Variants in DYM observed in about 807,000 individuals in gnomAD.
DYM encodes dyggve-Melchior-Clausen syndrome protein.
DYM carries 78 observed loss-of-function variants against 93.1 expected under a neutral mutation model. The observed-to-expected ratio is 0.84, with a 90% CI of 0.70 to 1.01. The LOEUF is 1.01. Ranked by LOEUF, DYM falls within the 50% of genes least tolerant of loss-of-function variation. The pLI is 0.00. For missense variants in DYM, 789 were observed against 845.0 expected (o/e 0.93, Z 0.82); for synonymous variants, 321 against 319.7 (o/e 1.00, Z -0.04).
At chr18:49,430,612 C>G (rs970781555) in intron 1 of DYM, among the ~76,000 whole-genome samples, 165 bp from the exon 2 acceptor site, 8 of 152,118 alleles carry the variant, frequency 5.3e-5, no homozygotes, top group African/African-American at 1.7e-4. Flanking sequence ...CTAGGCCAGG[C>G]ATGGTGACTC....
At chr18:49,254,107 T>C (rs1598919948) in intron 13 of DYM, among the ~76,000 whole-genome samples, 1 of 152,082 alleles carries the variant, frequency 6.6e-6, no homozygotes, top group Non-Finnish European at 1.5e-5. Context: ...GTTTCTCTTA[T>C]CTATCATGTC....
At chr18:49,227,467 T>G (rs1054870388) in intron 13 of DYM, among the ~76,000 whole-genome samples, 1 of 152,162 alleles carries the variant, frequency 6.6e-6, no homozygotes, top group African/African-American at 2.4e-5. Flanking sequence ...AGTTTTCATA[T>G]ATATACACAG....
At chr18:49,220,217 A>T (rs1306264742) in intron 13 of DYM, among the ~76,000 whole-genome samples, 1 of 151,852 alleles carries the variant, frequency 6.6e-6, no homozygotes, top group Admixed American at 6.6e-5. Context: ...GGACCTCTTC[A>T]AGGAGAACTA....
chr18:49,203,265 T>C (rs1472054426), intron 14 of DYM, among the ~76,000 whole-genome samples: 3 of 51,246 alleles, frequency 5.9e-5, no homozygotes, highest in African/African-American at 1.6e-4. Flanking sequence ...AGCCGCCCCG[T>C]CCAGGAGGTG....
At chr18:49,278,856 A>G (rs2094907452) in intron 10 of DYM, among the ~76,000 whole-genome samples, 1 of 152,180 alleles carries the variant, frequency 6.6e-6, no homozygotes, top group South Asian at 2.1e-4. Flanking sequence ...TTGTACAGAT[A>G]TATTTCTTTT....
Position 49,281,933 on chromosome 18 carries a change from C to T in DYM, c.1125+64G>A, listed in dbSNP as rs577466600. The T allele has an allele frequency of 6.5e-6, 10 of 1,528,216 alleles. No individual in the cohort carries two copies. The East Asian group carries it at 2.3e-4, about 35-fold the overall frequency. The allele number at this position is 1,528,216 out of a possible 1,614,324, so 94.7% of individuals were successfully genotyped here. ...CTAACCTGCACGCTGTGCCATGTAC[C>T]CTAAAACTTAAAGTATAATTAAAAA... On this transcript the variant is annotated intron_variant, in intron 10 of 17. Transcript: ENST00000675505.
intron 3 of DYM, among the ~76,000 whole-genome samples, chr18:49,389,006 C>T (rs1219918242): frequency 2.0e-5 from 3 of 151,438 alleles, no homozygotes; most frequent in Non-Finnish European, 4.4e-5. Flanking sequence ...ACTAAGTACA[C>T]TCACATAGCC....
chr18:49,119,731 G>A (rs1019879889), intron 15 of DYM, among the ~76,000 whole-genome samples: 7 of 152,186 alleles, frequency 4.6e-5, no homozygotes, highest in South Asian at 2.1e-4. Flanking sequence ...ACTAGACTGC[G>A]ATAAGCTATG....
At chr18:49,098,208 A>G (rs754861385) in intron 16 of DYM, among the ~76,000 whole-genome samples, 6 of 152,380 alleles carry the variant, frequency 3.9e-5, no homozygotes, top group Non-Finnish European at 8.8e-5. Flanking sequence ...AGAAGACTGC[A>G]GATCCCTTTT....
At chr18:49,313,536 A>G (rs2061741029) in intron 8 of DYM, among the ~76,000 whole-genome samples, 1 of 150,546 alleles carries the variant, frequency 6.6e-6, no homozygotes, top group Admixed American at 6.6e-5. Flanking sequence ...CTGTCAAGAC[A>G]TCACCCTATA....
chr18:49,444,605 C>T (rs1443366367), intron 1 of DYM, among the ~76,000 whole-genome samples: 1 of 152,086 alleles, frequency 6.6e-6, no homozygotes, highest in African/African-American at 2.4e-5. Context: ...ACATATTTTC[C>T]AAAATCAAAT....
chr18:49,099,380 T>C (rs189159366), intron 16 of DYM, among the ~76,000 whole-genome samples: 83 of 152,304 alleles, frequency 5.4e-4, no homozygotes, highest in African/African-American at 2.0e-3. Context: ...CCTTCTATTA[T>C]ACATCAGGCT....
chr18:49,268,593 T>C (rs2094611889), intron 11 of DYM, among the ~76,000 whole-genome samples: 1 of 152,212 alleles, frequency 6.6e-6, no homozygotes, highest in African/African-American at 2.4e-5. Flanking sequence ...TAACATTTTG[T>C]CATGTTTGCT....
At chr18:49,259,342 CTCTCT>C (rs1370561776) in intron 11 of DYM, among the ~76,000 whole-genome samples, 2 of 152,228 alleles carry the variant, frequency 1.3e-5, no homozygotes, top group African/African-American at 2.4e-5. Flanking sequence ...CAAATCAAGA[CTCTCT>C]TCTAATTACC....
At chr18:49,292,373 C>CACACACACACACACAT (rs2060195147) in intron 8 of DYM, among the ~76,000 whole-genome samples, 1 of 150,100 alleles carries the variant, frequency 6.7e-6, no homozygotes, top group East Asian at 1.9e-4. Flanking sequence ...CACACACACA[C>CACACACACACACACAT]ACACACACAC....
chr18:49,286,653 C>A (rs766971144), intron 8 of DYM, 37 bp from the exon 9 acceptor site: 10 of 1,586,992 alleles, frequency 6.3e-6, no homozygotes, highest in Non-Finnish European at 8.6e-6. Flanking sequence ...TGTGCTGCCA[C>A]CAATGAGATG....
chr18:49,297,646 T>G (rs547043660), intron 8 of DYM, among the ~76,000 whole-genome samples: 11 of 152,352 alleles, frequency 7.2e-5, no homozygotes, highest in Admixed American at 2.0e-4. Flanking sequence ...GTATATATCA[T>G]GCTTCAAGTG....
chr18:49,218,881 C>A (rs2093209602), intron 13 of DYM, among the ~76,000 whole-genome samples: 1 of 151,904 alleles, frequency 6.6e-6, no homozygotes, highest in African/African-American at 2.4e-5. Context: ...CAAAAGCTAG[C>A]AGAAGGCAAG....
At chr18:49,219,302 T>C (rs974629112) in intron 13 of DYM, among the ~76,000 whole-genome samples, 7 of 152,120 alleles carry the variant, frequency 4.6e-5, no homozygotes, top group Non-Finnish European at 8.8e-5. Context: ...ACCAGATGGA[T>C]TCACAGCCAA....
Sources: gnomAD v4.1 joint callset for allele counts (sites outside exome capture counted in the v4.1 genomes callset) on GRCh38, gnomAD v4.1.1 for gene constraint, MANE v1.5 for transcripts, NCBI Gene and HGNC (gene_info 2026-07-23, HGNC 2026-07-21) for gene names.